The following TPTE2 variants were observed in gnomAD, a reference collection of about 807,000 sequenced individuals.
TPTE2 encodes the protein phosphatidylinositol 3,4,5-trisphosphate 3-phosphatase TPTE2.
Under a neutral mutation model 78.6 loss-of-function variants are expected in TPTE2, and 53 were observed. The observed-to-expected ratio is 0.67, with a 90% CI of 0.54 to 0.85. The LOEUF (loss-of-function observed/expected upper bound fraction) is 0.85. TPTE2 is among the 40% of genes least tolerant of loss of function. The pLI, the probability that TPTE2 is intolerant of heterozygous loss-of-function variation, is 0.00. For synonymous variants in TPTE2, 175 were observed against 206.2 expected, an observed-to-expected ratio of 0.85 and a Z score of 1.30; for missense variants, 461 against 623.0, an observed-to-expected ratio of 0.74 and a Z score of 2.77.
intron 14 of TPTE2, 105 bp from the exon 18 acceptor site, chr13:19,436,411 G>A (rs749655077): frequency 3.4e-5 from 37 of 1,094,610 alleles, no homozygotes; most frequent in Non-Finnish European, 4.8e-5. Flanking sequence ...TAAAGTCAGT[G>A]ATTTTGTTTG....
At chr13:19,430,866 C>A (rs1286261820) in intron 16 of TPTE2, among the ~76,000 whole-genome samples, 1 of 152,142 alleles carries the variant, frequency 6.6e-6, no homozygotes. Flanking sequence ...GTGGCTCACA[C>A]CTGTAATCCT....
At chr13:19,464,551 A>T in intron 9 of TPTE2, 31 bp from the exon 13 acceptor site, 1 of 1,595,390 alleles carries the variant, frequency 6.3e-7, no homozygotes, top group South Asian at 1.1e-5. Flanking sequence ...TATTACAAAC[A>T]TTATTATAGA....
At chr13:19,492,979 T>C (rs1881088483) in intron 2 of TPTE2, 76 bp from the exon 6 acceptor site, 1 of 1,584,398 alleles carries the variant, frequency 6.3e-7, no homozygotes, top group African/African-American at 1.3e-5. Flanking sequence ...TTAGCTTTTA[T>C]TACTCTAGAC....
intron 13 of TPTE2, among the ~76,000 whole-genome samples, chr13:19,449,666 T>A (rs1878053903): frequency 6.6e-6 from 1 of 152,138 alleles, no homozygotes; most frequent in Non-Finnish European, 1.5e-5. Flanking sequence ...CATCATGTTG[T>A]ACACCATAAA....
At chr13:19,428,886 T>C (rs1166306562) in intron 17 of TPTE2, among the ~76,000 whole-genome samples, 5 of 152,180 alleles carry the variant, frequency 3.3e-5, no homozygotes, top group African/African-American at 7.2e-5. Flanking sequence ...GTTAGGGCTA[T>C]TACATCTTCA....
rs947459815 is a variant in TPTE2, at chr13:19,535,310, G to A, written c.-44+1286C>T. ...CAAATGTATAAATAGTCAAACGAAGGATGTTTTTAACAACATGGTCCCAAC... is the reference window on the plus strand; with the variant it reads ...CAAATGTATAAATAGTCAAACGAAGAATGTTTTTAACAACATGGTCCCAAC... On this transcript the variant is annotated intron_variant, in intron 1 of 17. Coordinates refer to the TPTE2 transcript ENST00000390680. This position sits in a 1 kb window ranked among gnomAD's most constrained non-coding sequence, Gnocchi z 5.1. Among the ~76,000 whole-genome samples the A allele has an allele frequency of 2.0e-5, 3 of 151,818 alleles. No individual in the cohort carries two copies. The highest frequency in any genetic ancestry group is 6.6e-5 in the Admixed American group (1 of 15,252).
chr13:19,438,188 A>T (rs760361760), intron 13 of TPTE2, 35 bp from the exon 17 acceptor site: 1 of 1,596,474 alleles, frequency 6.3e-7, no homozygotes. Context: ...AAGAACATAC[A>T]TGGTATAAAA....
At chr13:19,479,351 GA>G (rs200400830) in intron 4 of TPTE2, among the ~76,000 whole-genome samples, 2 of 151,990 alleles carry the variant, frequency 1.3e-5, no homozygotes, top group South Asian at 2.1e-4. Flanking sequence ...GATATTGATG[GA>G]AAAAATGGTA....
At chr13:19,433,811 C>A (rs1028522459) in intron 15 of TPTE2, among the ~76,000 whole-genome samples, 2 of 152,320 alleles carry the variant, frequency 1.3e-5, no homozygotes, top group South Asian at 2.1e-4. Flanking sequence ...TTCGGTGAAT[C>A]AGAAGAGATT....
At chr13:19,442,143 GA>G in intron 13 of TPTE2, among the ~76,000 whole-genome samples, 1 of 152,082 alleles carries the variant, frequency 6.6e-6, no homozygotes, top group South Asian at 2.1e-4. Flanking sequence ...CAAATGTACA[GA>G]AAACATTTGA....
intron 1 of TPTE2, among the ~76,000 whole-genome samples, chr13:19,526,189 C>T (rs556955217): frequency 6.6e-6 from 1 of 152,236 alleles, no homozygotes; most frequent in African/African-American, 2.4e-5. Context: ...TGAGTATATA[C>T]CCACAGGAAT....
intron 1 of TPTE2, among the ~76,000 whole-genome samples, chr13:19,495,095 G>A (rs996392277): frequency 2.6e-5 from 4 of 152,098 alleles, no homozygotes; most frequent in African/African-American, 4.8e-5. Flanking sequence ...TCTAAGTCCC[G>A]CTTCGTATAA....
intron 1 of TPTE2, 138 bp from the exon 5 acceptor site, chr13:19,493,639 GAATGTC>G (rs778474322): frequency 2.5e-6 from 2 of 800,678 alleles, no homozygotes; most frequent in East Asian, 5.0e-5. Flanking sequence ...TTGGAACCTG[GAATGTC>G]TATTTTTCTT....
At chr13:19,560,390 C>T in the TPTE2 span, 2 of 1,608,606 alleles carry the variant, frequency 1.2e-6, no homozygotes, top group Non-Finnish European at 1.7e-6. Flanking sequence ...AGGCCAGCTG[C>T]CCGTGCCCCC....
At chr13:19,521,726 T>C (rs991595811) in intron 1 of TPTE2, among the ~76,000 whole-genome samples, 4 of 152,134 alleles carry the variant, frequency 2.6e-5, no homozygotes, top group African/African-American at 9.6e-5. Context: ...TTCATATTAA[T>C]ACCAACTTAA....
intron 1 of TPTE2, among the ~76,000 whole-genome samples, chr13:19,532,173 G>A (rs1870924501): frequency 6.6e-6 from 1 of 152,134 alleles, no homozygotes; most frequent in Non-Finnish European, 1.5e-5. Flanking sequence ...GTCTCCTGCA[G>A]GGAAGGAAAA....
At chr13:19,468,572 G>C (rs1382675151) in intron 6 of TPTE2, among the ~76,000 whole-genome samples, 3 of 152,190 alleles carry the variant, frequency 2.0e-5, no homozygotes, top group Non-Finnish European at 2.9e-5. Flanking sequence ...TCTATTTTTA[G>C]TTTTTTGAGG....
chr13:19,492,547 T>G (rs576656624), intron 3 of TPTE2, among the ~76,000 whole-genome samples: 1 of 152,236 alleles, frequency 6.6e-6, no homozygotes, highest in East Asian at 1.9e-4. Context: ...CGAACTGACC[T>G]CCTTATACAA....
At chr13:19,495,769 T>C (rs749319111) in intron 1 of TPTE2, among the ~76,000 whole-genome samples, 30 of 152,216 alleles carry the variant, frequency 2.0e-4, no homozygotes, top group Non-Finnish European at 4.4e-5. Context: ...GAACTTAACA[T>C]GTACATAGTA....
Sources: gnomAD v4.1 joint callset for allele counts (sites outside exome capture counted in the v4.1 genomes callset) on GRCh38, gnomAD v4.1.1 for gene constraint, Gnocchi (gnomAD v3.1) non-coding constraint, MANE v1.5 for transcripts, NCBI Gene and HGNC (gene_info 2026-07-23, HGNC 2026-07-21) for gene names.